MGAM2: variants seen among roughly 807,000 people sequenced by gnomAD.
MGAM2 encodes the protein probable maltase-glucoamylase 2.
In MGAM2, 98 loss-of-function variants were observed where a neutral mutation model predicts 96.1. The observed-to-expected ratio is 1.02, with a 90% CI of 0.87 to 1.21. The LOEUF is 1.21. MGAM2 is among the 50% of genes most tolerant of loss of function. MGAM2 has a pLI of 0.00. For missense variants in MGAM2, 2,055 were observed against 1,182.4 expected, an observed-to-expected ratio of 1.74 and a Z score of -10.82; for synonymous variants, 749 against 414.8, an observed-to-expected ratio of 1.81 and a Z score of -9.79.
At chr7:142,177,718 G>A (rs1312899775) in intron 32 of MGAM2, among the ~76,000 whole-genome samples, 1 of 152,128 alleles carries the variant, frequency 6.6e-6, no homozygotes, top group Non-Finnish European at 1.5e-5. Flanking sequence ...TTTTATGGCT[G>A]TGTATTATTC....
chr7:142,146,805 G>T (rs1222813279), intron 14 of MGAM2, among the ~76,000 whole-genome samples: 1 of 150,430 alleles, frequency 6.6e-6, no homozygotes, highest in African/African-American at 2.5e-5. Context: ...TCGGCTCATT[G>T]CCACCTCCGC....
intron 32 of MGAM2, among the ~76,000 whole-genome samples, chr7:142,178,404 T>G (rs979091694): frequency 6.6e-6 from 1 of 152,220 alleles, no homozygotes. Context: ...CAATTGCTTT[T>G]GAGGACTTTG....
At chr7:142,172,251 T>G (rs2129090837) in intron 29 of MGAM2, 57 bp downstream of exon 29, 1 of 665,154 alleles carries the variant, frequency 1.5e-6, no homozygotes, top group African/African-American at 1.8e-5. Flanking sequence ...CCGCTCTATT[T>G]TGACCTGGTA....
At chr7:142,186,221 A>G (rs541447882) in intron 35 of MGAM2, 98 bp downstream of exon 35, 301 of 638,670 alleles carry the variant, frequency 4.7e-4, no homozygotes, top group Non-Finnish European at 7.8e-4. Flanking sequence ...ATAGGGCTGA[A>G]GAGATGAAAG....
intron 3 of MGAM2, among the ~76,000 whole-genome samples, chr7:142,129,622 C>T (rs930624594): frequency 4.0e-5 from 6 of 151,498 alleles, no homozygotes; most frequent in South Asian, 2.1e-4. Flanking sequence ...GTCAGGAGTT[C>T]GAGACTAGCC....
chr7:142,195,858 G>A (rs1014436724), intron 37 of MGAM2, among the ~76,000 whole-genome samples: 8 of 152,100 alleles, frequency 5.3e-5, no homozygotes, highest in Admixed American at 5.2e-4. Context: ...TAGAGGAATT[G>A]TTCCATAAAT....
Position 142,166,356 on chromosome 7 carries a change from C to G in MGAM2, c.2808+103C>G, listed in dbSNP as rs1219458222. 9 of 564,362 alleles carry G rather than the reference C, an allele frequency of 1.6e-5. No homozygotes were observed. The East Asian group carries it at 2.6e-4, about 17-fold the overall frequency. 35.0% of individuals were successfully genotyped at this position (564,362 alleles called of 1,614,324 possible). A position where few individuals can be genotyped will look rare whatever the true frequency, so the allele number is the denominator to read the frequency against. ...GCTTGAAGAAAACCAGGACCCTGTGCAACACGCCTTTTGCCAACTCTACAT... is the reference window on the plus strand; with the variant it reads ...GCTTGAAGAAAACCAGGACCCTGTGGAACACGCCTTTTGCCAACTCTACAT... On this transcript the variant is annotated intron_variant, in intron 25 of 47. Transcript: ENST00000477922.
At chr7:142,167,953 G>C (rs1442286272) in intron 26 of MGAM2, among the ~76,000 whole-genome samples, 1 of 152,048 alleles carries the variant, frequency 6.6e-6, no homozygotes, top group East Asian at 1.9e-4. Context: ...GAAAGTAGAC[G>C]GTAAAGCCAG....
At chr7:142,163,523 G>A (rs1176618279) in intron 23 of MGAM2, among the ~76,000 whole-genome samples, 9 of 152,060 alleles carry the variant, frequency 5.9e-5, no homozygotes, top group African/African-American at 1.4e-4. Flanking sequence ...CTCATGATCC[G>A]CCCGCCTCAC....
chr7:142,209,822 C>T (rs929997646), intron 46 of MGAM2, among the ~76,000 whole-genome samples: 4 of 152,184 alleles, frequency 2.6e-5, no homozygotes, highest in African/African-American at 7.2e-5. Context: ...CCACTAGCCA[C>T]ATGTGGCTAT....
intron 46 of MGAM2, among the ~76,000 whole-genome samples, chr7:142,215,458 T>TA (rs61628665): frequency 0.016 from 2,114 of 134,664 alleles, 26 homozygotes; most frequent in East Asian, 0.031. Context: ...AAAGTATAAT[T>TA]AAAAAAAAAA....
At chr7:142,198,322 C>T in intron 43 of MGAM2, 127 bp downstream of exon 43, 1 of 616,744 alleles carries the variant, frequency 1.6e-6, no homozygotes, top group Non-Finnish European at 2.9e-6. Flanking sequence ...CTTGGCAAGG[C>T]TTGTTTAAAT....
intron 7 of MGAM2, among the ~76,000 whole-genome samples, chr7:142,135,378 C>G (rs1421654236): frequency 6.6e-6 from 1 of 152,180 alleles, no homozygotes; most frequent in Non-Finnish European, 1.5e-5. Flanking sequence ...TGTATAGTCA[C>G]AAATTAGATG....
Position 142,158,051 on chromosome 7 carries a change from C to A in MGAM2, c.2038C>A (p.His680Asn), listed in dbSNP as rs764671127. 1 of 702,864 alleles carries A rather than the reference C, an allele frequency of 1.4e-6. No homozygotes were observed. Among genetic ancestry groups the A allele is most frequent in the African/African-American group, 1.7e-5 (1 of 57,248 alleles). The allele number at this position is 702,864 out of a possible 1,614,324, so 43.5% of individuals were successfully genotyped here. ...TCTCTATACCCTTTTCTACCATGCTCACACCCGGGGAGAGACGGTAGCAAG... is the reference window on the plus strand; with the variant it reads ...TCTCTATACCCTTTTCTACCATGCTAACACCCGGGGAGAGACGGTAGCAAG... ...PYLYTLFYHA[H>N]TRGETVARPL... The change falls in exon 18 of 48, where the codon CAC becomes AAC. Residue 680 changes from histidine to asparagine, a missense_variant. His to Asn is a moderately conservative substitution (Grantham distance 68, BLOSUM62 1). Transcript: ENST00000477922.
At chr7:142,179,121 A>C (rs778151864) in intron 32 of MGAM2, among the ~76,000 whole-genome samples, 10 of 152,118 alleles carry the variant, frequency 6.6e-5, no homozygotes, top group Non-Finnish European at 1.2e-4. Flanking sequence ...TTGAGATCTT[A>C]CTAACTTGAG....
At position 142,189,598 on chromosome 7, in the gene MGAM2, C is replaced by T. The variant is rs181911879; in HGVS notation, c.4346+93C>T. The T allele has an allele frequency of 2.3e-4, 117 of 518,268 alleles. 1 individual carries two copies. Among genetic ancestry groups the T allele is most frequent in the South Asian group, 8.2e-4 (29 of 35,162 alleles). 32.1% of individuals were successfully genotyped at this position (518,268 alleles called of 1,614,324 possible). A position where few individuals can be genotyped will look rare whatever the true frequency, so the allele number is the denominator to read the frequency against. ...GCATTGTGCATGTATCTACGTGATC[C>T]GAGTTAAATGGGTTAAAGTCAAAAT... On this transcript the variant is annotated intron_variant, in intron 37 of 47. Transcript: ENST00000477922.
In MGAM2 at chr7:142,221,379, A is replaced by T. The variant is rs539950852; in HGVS notation, c.6868A>T (p.Thr2290Ser). ...TTSNNTNPGM[T>S]TYYQTSPTIP... is the part of the protein sequence containing the mutation. Reference sequence around the variant, plus strand: ...AAGTAATAATACTAATCCTGGCATGACTACTTATTACCAGACTTCTCCTAC... The same window carrying T: ...AAGTAATAATACTAATCCTGGCATGTCTACTTATTACCAGACTTCTCCTAC... Residue 2290 changes from threonine to serine, a missense_variant, in exon 48 of 48, where the codon ACT becomes TCT. Transcript: ENST00000477922. 1.6e-5 allele frequency: 10 copies of T among 608,906 alleles called. No homozygotes were observed. In the South Asian group the frequency reaches 2.0e-4, roughly 12 times the overall value. The allele number at this position is 608,906 out of a possible 1,614,324, so 37.7% of individuals were successfully genotyped here. A position where few individuals can be genotyped will look rare whatever the true frequency, so the allele number is the denominator to read the frequency against.
intron 45 of MGAM2, among the ~76,000 whole-genome samples, chr7:142,201,082 C>T (rs10276814): frequency 0.71 from 75,734 of 107,382 alleles, 26,463 homozygotes; most frequent in African/African-American, 0.78. Context: ...TTTTTTTTTT[C>T]TTTTTTTTTT....
intron 1 of MGAM2, among the ~76,000 whole-genome samples, chr7:142,114,195 A>AAAGAAAGAAAG (rs1563242663): frequency 2.9e-5 from 3 of 103,842 alleles, no homozygotes; most frequent in East Asian, 2.1e-4. Context: ...AGAAAGAAAG[A>AAAGAAAGAAAG]AAGAAAGAAA....
Sources: allele counts gnomAD v4.1 joint callset (sites outside exome capture counted in the v4.1 genomes callset), GRCh38; gene constraint gnomAD v4.1.1; transcripts MANE v1.5; gene names NCBI Gene and HGNC (gene_info 2026-07-23, HGNC 2026-07-21).